The following TTN variants were observed in gnomAD, a reference collection of about 807,000 sequenced individuals.
TTN encodes titin.
A neutral mutation model predicts 3,223.0 loss-of-function variants in TTN; 1,525 were observed. The ratio of observed to expected loss-of-function variants is 0.47; its 90% CI spans 0.45 to 0.49. The LOEUF (loss-of-function observed/expected upper bound fraction) is 0.49, where lower values mean the gene tolerates loss of function less well. Among genes scored for constraint, TTN ranks in the 20% least tolerant of loss-of-function variants. The pLI is 0.00. For synonymous variants in TTN, 14,094 were observed against 15,161.0 expected (o/e 0.93, Z 5.17); for missense variants, 40,786 against 43,424.0 (o/e 0.94, Z 5.40).
Position 178,535,612 on chromosome 2 carries a change from A to T in TTN, c.101003T>A (p.Val33668Glu). Reference sequence around the variant, plus strand: ...TCCAAATCTGTTTTTAGCACAGACCACATAGAAACCAGCATCTTTTCTCTC... The same window carrying T: ...TCCAAATCTGTTTTTAGCACAGACCTCATAGAAACCAGCATCTTTTCTCTC... ...GVERKDAGFY[V>E]VCAKNRFGID... The change falls in exon 358 of 363, where the codon GTG becomes GAG. Residue 33668 changes from valine (V) to glutamate (E), a missense_variant. Val to Glu is a moderately radical substitution (Grantham distance 121, BLOSUM62 -2). Coordinates refer to ENST00000589042, the MANE Select transcript of TTN (RefSeq NM_001267550.2). The T allele has an allele frequency of 6.2e-7, 1 of 1,613,848 alleles. No individual in the cohort carries two copies. The highest frequency in any genetic ancestry group is 8.5e-7 in the Non-Finnish European group (1 of 1,179,798).
chr2:178,729,224 T>C (rs2079934031), intron 64 of TTN, 55 bp from the exon 65 acceptor site: 3 of 1,549,442 alleles, frequency 1.9e-6, no homozygotes, highest in African/African-American at 1.4e-5. Context: ...CTCCTACCCA[T>C]AATGATAAGA....
chr2:178,715,287 T>C (rs1204376537), intron 89 of TTN, 23 bp from the exon 90 acceptor site: 1 of 1,580,866 alleles, frequency 6.3e-7, no homozygotes, highest in Admixed American at 1.8e-5. Flanking sequence ...AAAAGGAAAA[T>C]ACGGATGTAT....
chr2:178,545,271 A>C lies in TTN; in HGVS notation c.95722+117T>G, dbSNP rs918366485. On this transcript the variant is annotated intron_variant, in intron 344 of 362. Transcript: ENST00000589042. ...TATATTTATGATCATGCAAATAAGC[A>C]TGTGCTTTTCTAGACCATTCATAAA... The C allele has an allele frequency of 7.8e-6, 7 of 895,508 alleles. No homozygotes were observed. In the South Asian group the frequency reaches 1.6e-4, roughly 20 times the overall value. The allele number at this position is 895,508 out of a possible 1,614,324, so 55.5% of individuals were successfully genotyped here.
rs1318548034 is a variant in TTN at position 178,554,186 on chromosome 2, A to G, written c.88925T>C (p.Val29642Ala). The change falls in exon 333 of 363, where the codon GTG becomes GCG. Residue 29642 changes from valine (V) to alanine (A), a missense_variant. By Grantham distance (64) the Val-to-Ala change is moderately conservative (BLOSUM62 0). Coordinates refer to ENST00000589042, the MANE Select transcript of TTN (RefSeq NM_001267550.2). ...CATCGAATTCTTGGTAATCTTTGTC[A>G]CTTCTGGTATGCCTGGTGGCCCAGG... is the stretch of plus-strand genomic sequence containing the variant. ...VTPGPPGIPE[V>A]TKITKNSMTV... is the part of the protein sequence containing the mutation. 1 of 1,607,042 alleles carries G rather than the reference A, an allele frequency of 6.2e-7. No individual in the cohort carries two copies. Among genetic ancestry groups the G allele is most frequent in the Non-Finnish European group, 8.5e-7 (1 of 1,177,144 alleles).
chr2:178,672,327 A>C (rs1560259190), intron 154 of TTN, 60 bp from the exon 155 acceptor site: 11 of 1,601,576 alleles, frequency 6.9e-6, no homozygotes, highest in Admixed American at 3.4e-5. Context: ...AAAGATGTAC[A>C]TTCAAAATAT....
intron 47 of TTN, chr2:178,745,811 G>T: frequency 6.2e-7 from 1 of 1,613,278 alleles, no homozygotes; most frequent in Non-Finnish European, 8.5e-7. Flanking sequence ...AAAATATGCT[G>T]CTGTACCTAT....
chr2:178,764,182 C>A lies in TTN; in HGVS notation c.10109G>T (p.Gly3370Val). 6.2e-7 allele frequency: 1 copy of A among 1,614,088 alleles called. No homozygotes were observed. Among genetic ancestry groups the A allele is most frequent in the Non-Finnish European group, 8.5e-7 (1 of 1,179,976 alleles). ...QPARFQCRVS[G>V]TDLKVSWYSK... is the part of the protein sequence containing the mutation. Reference sequence around the variant, plus strand: ...CCTTTTGTTCTTAAACCTACCTGTTCCAGAAACCCGGCATTGAAAACGGGC... The same window carrying A: ...CCTTTTGTTCTTAAACCTACCTGTTACAGAAACCCGGCATTGAAAACGGGC... The change falls in exon 43 of 363, where the codon GGA becomes GTA. Residue 3370 changes from glycine to valine, a missense_variant. Transcript: ENST00000589042.
In TTN at chr2:178,586,899, C is replaced by T. The variant is rs994578651; in HGVS notation, c.64094-92G>A. The T allele has an allele frequency of 8.7e-6, 13 of 1,500,324 alleles. 1 individual carries two copies. In the East Asian group the frequency reaches 2.5e-4, roughly 29 times the overall value. 92.9% of individuals were successfully genotyped at this position (1,500,324 alleles called of 1,614,324 possible). ...ATAAGAGTTTTAGTATGGATTTGCT[C>T]CAATGTACATAGAACCTGTAGTTCA... On this transcript the variant is annotated intron_variant, in intron 307 of 362. Coordinates refer to ENST00000589042, the MANE Select transcript of TTN (RefSeq NM_001267550.2).
rs150348541 is a variant in TTN, at chr2:178,693,120, C to T, written c.31594+489G>A. 1.8e-3 allele frequency among the ~76,000 whole-genome samples: 280 copies of T among 152,088 alleles called. 5 individuals are homozygous for T. The South Asian group carries it at 0.024, about 13-fold the overall frequency. On this transcript the variant is annotated intron_variant, in intron 119 of 362. Transcript: ENST00000589042. ...AGATGTGCAGTAGTACATTATATGGCATTTCCACCACACAGACACAAAGAT... is the reference window on the plus strand; with the variant it reads ...AGATGTGCAGTAGTACATTATATGGTATTTCCACCACACAGACACAAAGAT...
chr2:178,763,906 CCTT>C, intron 43 of TTN, among the ~76,000 whole-genome samples: 1 of 143,584 alleles, frequency 7.0e-6, no homozygotes, highest in Non-Finnish European at 1.5e-5. Flanking sequence ...GGGAACATGA[CCTT>C]TTTTAATATT....
rs1226411676 is a variant in TTN at position 178,575,189 on chromosome 2, C to A, written c.70943G>T (p.Gly23648Val). Reference protein sequence around the residue: ...IYQKLVIAKAGDNIKVEIPVL... With the variant: ...IYQKLVIAKAVDNIKVEIPVL... ...TGGAATTTCAACTTTGATGTTGTCA[C>A]CAGCTTTGGCAATGACCAGTTTCTG... is the stretch of plus-strand genomic sequence containing the variant. Residue 23648 changes from glycine (G) to valine (V), a missense_variant, in exon 326 of 363, where the codon GGT becomes GTT. Physicochemically the swap from Gly to Val is moderately radical, Grantham distance 109 (BLOSUM62 -3). Coordinates refer to ENST00000589042, the MANE Select transcript of TTN (RefSeq NM_001267550.2). The surrounding 1 kb of genome is among the most constrained non-coding windows in gnomAD (Gnocchi z 4.0). The A allele has an allele frequency of 3.7e-6, 6 of 1,612,764 alleles. No homozygotes were observed. The highest frequency in any genetic ancestry group is 1.7e-4 in the Middle Eastern group (1 of 6,056).
At chr2:178,691,646 G>GA (rs1335380624) in intron 121 of TTN, among the ~76,000 whole-genome samples, 1 of 152,124 alleles carries the variant, frequency 6.6e-6, no homozygotes, top group Non-Finnish European at 1.5e-5. Context: ...CATAATGCAT[G>GA]AAACTGCTTT....
rs1028140338 is a variant in TTN at position 178,777,772 on chromosome 2, C to G, written c.4412G>C (p.Gly1471Ala). Residue 1471 changes from glycine (G) to alanine (A), a missense_variant, in exon 25 of 363, where the codon GGG (glycine) becomes GCG (alanine). Transcript: ENST00000589042. ...LKPVSFKCLE[G>A]QTARFDLKVV... ...CTTTAAGTCAAATCTGGCAGTTTGC[C>G]CTTCTAAACATTTGAAAGAAACAGG... The G allele has an allele frequency of 1.2e-6, 2 of 1,613,878 alleles. No homozygotes were observed. The highest frequency in any genetic ancestry group is 1.7e-6 in the Non-Finnish European group (2 of 1,179,976).
At position 178,757,930 on chromosome 2, in the gene TTN, T is replaced by A; in HGVS notation, c.10304-14A>T. On this transcript the variant is annotated splice_polypyrimidine_tract_variant and intron_variant, in intron 44 of 362. Transcript: ENST00000589042. ...ATTTGCTAAATCCTGAAAAGAAGCA[T>A]ACCAATTTTTAATGTCTTACCTTGC... 1 of 1,514,352 alleles carries A rather than the reference T, an allele frequency of 6.6e-7. No homozygotes were observed. The highest frequency in any genetic ancestry group is 8.8e-7 in the Non-Finnish European group (1 of 1,133,006). The allele number at this position is 1,514,352 out of a possible 1,614,324, so 93.8% of individuals were successfully genotyped here.
chr2:178,755,957 T>C (rs771690507), intron 46 of TTN, among the ~76,000 whole-genome samples: 5 of 152,196 alleles, frequency 3.3e-5, no homozygotes, highest in Non-Finnish European at 5.9e-5. Flanking sequence ...TTGGTAAATA[T>C]TAGAAAATGC....
Position 178,744,754 on chromosome 2 carries a change from T to G in TTN, c.11312-2833A>C. ...TTTTAAAATCTATATGTAAACACAATATGATAGTTTCCCTTTTTTCCCCAG... is the reference window on the plus strand; with the variant it reads ...TTTTAAAATCTATATGTAAACACAAGATGATAGTTTCCCTTTTTTCCCCAG... On this transcript the variant is annotated intron_variant, in intron 47 of 362. Transcript: ENST00000589042. 3.0e-6 allele frequency: 3 copies of G among 985,058 alleles called. No homozygotes were observed. The South Asian group carries it at 1.4e-4, about 46-fold the overall frequency. 61.0% of individuals were successfully genotyped at this position (985,058 alleles called of 1,614,324 possible).
chr2:178,664,368 G>T, intron 168 of TTN, 92 bp downstream of exon 168: 2 of 999,870 alleles, frequency 2.0e-6, no homozygotes, highest in Non-Finnish European at 3.0e-6. Context: ...TGATTCACAT[G>T]TACACATCAA....
chr2:178,543,378 C>T lies in TTN; in HGVS notation c.96595G>A (p.Val32199Ile). The change falls in exon 347 of 363, where the codon GTC (valine) becomes ATC (isoleucine). Residue 32199 changes from valine to isoleucine, a missense_variant. Transcript: ENST00000589042. ...EPCETSDAVL[V>I]SEVPLVPAKL... ...GCAGGCACCAAAGGCACTTCTGAGA[C>T]CAGTACTGCATCAGATGTTTCACAA... The T allele has an allele frequency of 6.2e-7, 1 of 1,613,850 alleles. No individual in the cohort carries two copies. Among genetic ancestry groups the T allele is most frequent in the Non-Finnish European group, 8.5e-7 (1 of 1,179,806 alleles).
In TTN at chr2:178,580,526, C is replaced by G. The variant is rs754121833; in HGVS notation, c.66853G>C (p.Val22285Leu). The part of the protein sequence containing the change: ...AGVTMRLYVP[V>L]KGRPPPKITW... The stretch of plus-strand genomic sequence containing the variant: ...ATCTTTGGAGGTGGGCGTCCTTTTA[C>G]TGGTACATATAGTCTCATAGTAACT... The change falls in exon 317 of 363, where the codon GTA becomes CTA. Residue 22285 changes from valine to leucine, a missense_variant. Transcript: ENST00000589042. 1 of 1,612,844 alleles carries G rather than the reference C, an allele frequency of 6.2e-7. No homozygotes were observed. Among genetic ancestry groups the G allele is most frequent in the Non-Finnish European group, 8.5e-7 (1 of 1,179,310 alleles).
Sources: allele counts gnomAD v4.1 joint callset (sites outside exome capture counted in the v4.1 genomes callset), GRCh38; gene constraint gnomAD v4.1.1; non-coding constraint Gnocchi (gnomAD v3.1); transcripts MANE v1.5; gene names NCBI Gene and HGNC (gene_info 2026-07-23, HGNC 2026-07-21).